Variants in RERE observed in about 807,000 individuals in gnomAD.
The protein encoded by RERE is arginine-glutamic acid dipeptide repeats.
RERE carries 40 observed loss-of-function variants against 146.1 expected under a neutral mutation model. That is an observed-to-expected ratio of 0.27 (90% CI 0.21 to 0.36). RERE has a LOEUF of 0.36. Ranked by LOEUF, RERE falls within the 10% of genes least tolerant of loss-of-function variation. The pLI, the probability that RERE is intolerant of heterozygous loss-of-function variation, is 1.00. For synonymous variants in RERE, 1,003 were observed against 866.0 expected, an observed-to-expected ratio of 1.16 and a Z score of -2.78; for missense variants, 1,933 against 2,138.7, an observed-to-expected ratio of 0.90 and a Z score of 1.90.
Position 8,360,471 on chromosome 1 carries a change from G to A in RERE, c.3036C>T (p.Asn1012=), listed in dbSNP as rs1430157043. Residue 1012 remains asparagine, a synonymous_variant, in exon 18 of 23, where the codon AAC becomes AAT. Transcript: ENST00000400908. ...AQPPGLTQSQ[N]LPPPPASHPP... Reference sequence around the variant, plus strand: ...GGTGGGAGGCAGGGGGCGGGGGCAGGTTCTGGCTCTGGGTCAGCCCGGGGG... The same window carrying A: ...GGTGGGAGGCAGGGGGCGGGGGCAGATTCTGGCTCTGGGTCAGCCCGGGGG... 2 of 1,249,210 alleles carry A rather than the reference G, an allele frequency of 1.6e-6. No homozygotes were observed. The highest frequency in any genetic ancestry group is 2.8e-5 in the East Asian group (1 of 35,158). 77.4% of individuals were successfully genotyped at this position (1,249,210 alleles called of 1,614,324 possible). A position where few individuals can be genotyped will look rare whatever the true frequency, so the allele number is the denominator to read the frequency against.
intron 1 of RERE, among the ~76,000 whole-genome samples, chr1:8,661,860 T>C (rs1368502882): frequency 6.6e-6 from 1 of 152,122 alleles, no homozygotes; most frequent in Non-Finnish European, 1.5e-5. Flanking sequence ...TGAGACTGAA[T>C]GAGATCACCC....
chr1:8,398,351 T>C (rs974901648), intron 12 of RERE, among the ~76,000 whole-genome samples: 3 of 152,234 alleles, frequency 2.0e-5, no homozygotes, highest in Non-Finnish European at 2.9e-5. Flanking sequence ...GTGTGGCTGA[T>C]GAAATCTCCA....
intron 4 of RERE, among the ~76,000 whole-genome samples, chr1:8,592,896 G>T (rs1222790890): frequency 1.3e-5 from 2 of 152,154 alleles, no homozygotes; most frequent in African/African-American, 4.8e-5. Flanking sequence ...TGTTGAAACT[G>T]TTCTTACCTA....
At chr1:8,355,254 C>T in intron 22 of RERE, 134 bp from the exon 23 acceptor site, 1 of 1,100,362 alleles carries the variant, frequency 9.1e-7, no homozygotes, top group Non-Finnish European at 1.4e-6. Context: ...GCTGACCTAC[C>T]CTCCCAACAC....
At chr1:8,570,311 A>T (rs1646204857) in intron 4 of RERE, among the ~76,000 whole-genome samples, 2 of 152,170 alleles carry the variant, frequency 1.3e-5, no homozygotes, top group Admixed American at 6.5e-5. Context: ...CAGCCTGGCG[A>T]CAGAGTGAGA....
chr1:8,366,501 A>G (rs1370212995), intron 12 of RERE, among the ~76,000 whole-genome samples: 3 of 152,312 alleles, frequency 2.0e-5, no homozygotes, highest in Admixed American at 6.5e-5. Context: ...CCAGGTGGTG[A>G]GGAACCAGGG....
Position 8,491,206 on chromosome 1 carries a change from C to G in RERE, c.1104+3857G>C, listed in dbSNP as rs576382982. Reference sequence around the variant, plus strand: ...CTGTAATCCCAGAACTTTGGGAGGCCAAGGCAGGTGAATCACCTGAGATCG... The same window carrying G: ...CTGTAATCCCAGAACTTTGGGAGGCGAAGGCAGGTGAATCACCTGAGATCG... On this transcript the variant is annotated intron_variant, in intron 10 of 22. Coordinates refer to ENST00000400908, the MANE Select transcript of RERE (RefSeq NM_001042681.2). Among the ~76,000 whole-genome samples the G allele has an allele frequency of 6.6e-4, 98 of 149,320 alleles. 8 individuals carry two copies. Among genetic ancestry groups the G allele is most frequent in the African/African-American group, 2.5e-3 (96 of 38,754 alleles).
In RERE at chr1:8,621,291, C is replaced by T. The variant is rs148063738; in HGVS notation, c.396+3019G>A. Reference sequence around the variant, plus strand: ...CAGAGTAGAGAAGACAACCCAGGTCCCCACATAAAATACAAAGACCCTTCT... The same window carrying T: ...CAGAGTAGAGAAGACAACCCAGGTCTCCACATAAAATACAAAGACCCTTCT... On this transcript the variant is annotated intron_variant, in intron 3 of 22. Coordinates refer to ENST00000400908, the MANE Select transcript of RERE (RefSeq NM_001042681.2). Among the ~76,000 whole-genome samples the T allele has an allele frequency of 6.2e-3, 940 of 152,150 alleles. 18 individuals are homozygous for T. The highest frequency in any genetic ancestry group is 0.039 in the Admixed American group (594 of 15,276).
chr1:8,503,447 A>C (rs143202216), intron 8 of RERE, among the ~76,000 whole-genome samples: 58 of 152,362 alleles, frequency 3.8e-4, no homozygotes, highest in Non-Finnish European at 4.0e-4. Flanking sequence ...GCAGCATTAC[A>C]TGTAATGGCA....
At chr1:8,382,944 CCATCTGGGAAAAGGA>C (rs1381924723) in intron 12 of RERE, among the ~76,000 whole-genome samples, 1 of 151,256 alleles carries the variant, frequency 6.6e-6, no homozygotes, top group Non-Finnish European at 1.5e-5. Flanking sequence ...AAATCCTTTT[CCATCTGGGAAAAGGA>C]CCAGAAACTC....
At chr1:8,796,998 A>C (rs910959571) in intron 1 of RERE, among the ~76,000 whole-genome samples, 1 of 152,120 alleles carries the variant, frequency 6.6e-6, no homozygotes, top group Non-Finnish European at 1.5e-5. Flanking sequence ...GTAATCATCC[A>C]TGGGCAACAG....
intron 1 of RERE, among the ~76,000 whole-genome samples, chr1:8,811,163 G>A (rs181791334): frequency 6.6e-6 from 1 of 152,232 alleles, no homozygotes; most frequent in African/African-American, 2.4e-5. Flanking sequence ...AACATTTCCA[G>A]TGCCTCCCCA....
chr1:8,632,084 G>T (rs1647042197), intron 2 of RERE, among the ~76,000 whole-genome samples: 1 of 152,168 alleles, frequency 6.6e-6, no homozygotes, highest in Non-Finnish European at 1.5e-5. Flanking sequence ...ATTACTAATG[G>T]AAATGCTGAC....
intron 12 of RERE, among the ~76,000 whole-genome samples, chr1:8,367,716 C>T (rs146273073): frequency 6.6e-6 from 1 of 152,310 alleles, no homozygotes; most frequent in Non-Finnish European, 1.5e-5. Flanking sequence ...GAATTTCTGA[C>T]TGGCTCCTCT....
intron 12 of RERE, among the ~76,000 whole-genome samples, chr1:8,411,172 C>A (rs1643605190): frequency 6.6e-6 from 1 of 152,088 alleles, no homozygotes; most frequent in South Asian, 2.1e-4. Context: ...ACATGGACAT[C>A]TTAATAAAAA....
intron 7 of RERE, among the ~76,000 whole-genome samples, chr1:8,536,737 C>A (rs1381013066): frequency 6.6e-6 from 1 of 152,156 alleles, no homozygotes; most frequent in East Asian, 1.9e-4. Flanking sequence ...CAAAACTGAA[C>A]ACTCCCTGAG....
At chr1:8,615,134 T>A (rs1646837826) in intron 3 of RERE, among the ~76,000 whole-genome samples, 1 of 152,174 alleles carries the variant, frequency 6.6e-6, no homozygotes, top group Non-Finnish European at 1.5e-5. Context: ...GACATGTACT[T>A]AATAAGGAAA....
chr1:8,512,968 C>G (rs1035349843), intron 7 of RERE: 3 of 152,198 alleles, frequency 2.0e-5, no homozygotes, highest in Non-Finnish European at 4.4e-5. Flanking sequence ...CCAGACCAAC[C>G]TCCCCAGGCT....
intron 1 of RERE, among the ~76,000 whole-genome samples, chr1:8,756,692 AG>A (rs1435968927): frequency 6.6e-6 from 1 of 152,228 alleles, no homozygotes; most frequent in Admixed American, 6.5e-5. Context: ...TTTGAAGATC[AG>A]GATCACTTTA....
Sources: allele counts gnomAD v4.1 joint callset (sites outside exome capture counted in the v4.1 genomes callset), GRCh38; gene constraint gnomAD v4.1.1; transcripts MANE v1.5; gene names NCBI Gene and HGNC (gene_info 2026-07-23, HGNC 2026-07-21).